Variants in ETV6 observed in about 807,000 individuals in gnomAD.
ETV6 encodes the protein transcription factor ETV6.
A neutral mutation model predicts 51.1 loss-of-function variants in ETV6; 16 were observed. That is an observed-to-expected ratio of 0.31 (90% CI 0.21 to 0.48). The LOEUF is 0.48. ETV6 is among the 20% of genes least tolerant of loss of function. The pLI is 0.99. For missense variants in ETV6, 458 were observed against 594.8 expected, an observed-to-expected ratio of 0.77 and a Z score of 2.39; for synonymous variants, 240 against 224.1, an observed-to-expected ratio of 1.07 and a Z score of -0.64.
At chr12:11,878,909 C>T (rs1420775556) in intron 5 of ETV6, among the ~76,000 whole-genome samples, 1 of 150,982 alleles carries the variant, frequency 6.6e-6, no homozygotes, top group Non-Finnish European at 1.5e-5. Flanking sequence ...TCAACACTCT[C>T]GATATTTGGG....
chr12:11,667,772 G>A (rs1053430437), intron 1 of ETV6, among the ~76,000 whole-genome samples: 1 of 138,984 alleles, frequency 7.2e-6, no homozygotes, highest in Admixed American at 8.6e-5. Context: ...GCATGGTCTC[G>A]GCTTACTGCA....
intron 2 of ETV6, among the ~76,000 whole-genome samples, chr12:11,772,752 T>G (rs553554917): frequency 7.2e-5 from 11 of 152,216 alleles, no homozygotes; most frequent in African/African-American, 2.4e-5. Flanking sequence ...ATTTAAACTT[T>G]CCTTGTGATT....
At chr12:11,652,545 A>G (rs867687463) in intron 1 of ETV6, among the ~76,000 whole-genome samples, 4 of 152,208 alleles carry the variant, frequency 2.6e-5, no homozygotes, top group Admixed American at 2.0e-4. Flanking sequence ...TGAACCTGAT[A>G]TACCGAACTC....
intron 4 of ETV6, 116 bp downstream of exon 4, chr12:11,853,677 A>G: frequency 8.5e-7 from 1 of 1,170,656 alleles, no homozygotes; most frequent in African/African-American, 1.5e-5. Flanking sequence ...TCAGTAGACA[A>G]TTATTGAGTG....
rs1863878549 is a variant in ETV6, at chr12:11,650,492, A to AC, written c.33+332_33+333insC. On this transcript the variant is annotated intron_variant, in intron 1 of 7. Transcript: ENST00000396373. Reference sequence around the variant, plus strand: ...GTAATTAGTGCGCTTAAAAAAAAAAAAAACAAAAAACAAAAAAAAAAAACC... The same window carrying AC: ...GTAATTAGTGCGCTTAAAAAAAAAAACAAACAAAAAACAAAAAAAAAAAACC... Among the ~76,000 whole-genome samples, 4 of 68,716 alleles carry AC rather than the reference A, an allele frequency of 5.8e-5. 1 individual carries two copies. The highest frequency in any genetic ancestry group is 1.3e-3 in the South Asian group (2 of 1,532). 45.1% of individuals were successfully genotyped at this position (68,716 alleles called of 152,430 possible).
intron 1 of ETV6, among the ~76,000 whole-genome samples, chr12:11,712,736 G>A (rs574008472): frequency 3.3e-5 from 5 of 152,326 alleles, no homozygotes; most frequent in African/African-American, 1.2e-4. Flanking sequence ...TTCACTCAGA[G>A]TCTACTGACT....
At chr12:11,662,428 A>T (rs1013529311) in intron 1 of ETV6, among the ~76,000 whole-genome samples, 1 of 152,146 alleles carries the variant, frequency 6.6e-6, no homozygotes, top group African/African-American at 2.4e-5. Context: ...TGTCTTGAAA[A>T]ACTTGGTAAA....
At chr12:11,702,210 G>A (rs1414297527) in intron 1 of ETV6, among the ~76,000 whole-genome samples, 1 of 152,166 alleles carries the variant, frequency 6.6e-6, no homozygotes, top group Non-Finnish European at 1.5e-5. Context: ...GCAAGGCAGT[G>A]AGAGAGAAGA....
intron 1 of ETV6, among the ~76,000 whole-genome samples, chr12:11,746,794 T>C (rs1488690238): frequency 0.055 from 443 of 8,010 alleles, 3 homozygotes; most frequent in Admixed American, 0.1. Flanking sequence ...CTCTCTCTTT[T>C]TTTTTTTTTT....
intron 5 of ETV6, among the ~76,000 whole-genome samples, chr12:11,872,342 ACCT>A (rs1946892766): frequency 6.6e-6 from 1 of 152,008 alleles, no homozygotes; most frequent in Non-Finnish European, 1.5e-5. Flanking sequence ...TCTCCTGTCT[ACCT>A]CCCAGGTGAC....
chr12:11,683,113 G>C (rs1864563534), intron 1 of ETV6, among the ~76,000 whole-genome samples: 1 of 152,174 alleles, frequency 6.6e-6, no homozygotes, highest in Admixed American at 6.5e-5. Flanking sequence ...GAATGCAGTG[G>C]ATTGATCTCT....
Position 11,864,196 on chromosome 12 carries a change from A to G in ETV6, c.464-5228A>G, listed in dbSNP as rs80229328. Reference sequence around the variant, plus strand: ...CATCAGTTCCTCCTTTACCCTTGGCATGAAAGTTCTTCCTCTCCTGGTCCT... The same window carrying G: ...CATCAGTTCCTCCTTTACCCTTGGCGTGAAAGTTCTTCCTCTCCTGGTCCT... On this transcript the variant is annotated intron_variant, in intron 4 of 7. Transcript: ENST00000396373. 9.7e-3 allele frequency among the ~76,000 whole-genome samples: 1,483 copies of G among 152,280 alleles called. 20 individuals are homozygous for G. Among genetic ancestry groups the G allele is most frequent in the African/African-American group, 0.033 (1,360 of 41,536 alleles).
intron 3 of ETV6, 73 bp from the exon 4 acceptor site, chr12:11,853,354 G>A: frequency 6.3e-7 from 1 of 1,585,546 alleles, no homozygotes; most frequent in South Asian, 1.1e-5. Context: ...CAGGCACTTA[G>A]CTGCTGCTCC....
chr12:11,748,873 A>T (rs1865956606), intron 1 of ETV6, among the ~76,000 whole-genome samples: 1 of 151,720 alleles, frequency 6.6e-6, no homozygotes, highest in Non-Finnish European at 1.5e-5. Flanking sequence ...AGACAACCCT[A>T]CTCCATACTT....
At chr12:11,759,063 C>T (rs1434555814) in intron 2 of ETV6, among the ~76,000 whole-genome samples, 4 of 152,070 alleles carry the variant, frequency 2.6e-5, no homozygotes, top group Non-Finnish European at 4.4e-5. Flanking sequence ...TTTGGGTTTG[C>T]TGTCTGAAAG....
At chr12:11,696,804 T>C in intron 1 of ETV6, among the ~76,000 whole-genome samples, 1 of 152,134 alleles carries the variant, frequency 6.6e-6, no homozygotes. Flanking sequence ...CAACAGAGTA[T>C]AAGACTCTGT....
At chr12:11,695,040 A>T (rs1393423837) in intron 1 of ETV6, among the ~76,000 whole-genome samples, 2 of 152,230 alleles carry the variant, frequency 1.3e-5, no homozygotes, top group Non-Finnish European at 1.5e-5. Context: ...CTGTCAAAGG[A>T]TACCGAAGAC....
At chr12:11,747,524 T>G (rs530160237) in intron 1 of ETV6, among the ~76,000 whole-genome samples, 6 of 152,234 alleles carry the variant, frequency 3.9e-5, no homozygotes, top group Non-Finnish European at 5.9e-5. Flanking sequence ...GGGTATGCTC[T>G]TTCTTTCTGG....
chr12:11,673,429 A>G (rs1864357565), intron 1 of ETV6, among the ~76,000 whole-genome samples: 1 of 152,228 alleles, frequency 6.6e-6, no homozygotes, highest in Admixed American at 6.5e-5. Context: ...AGCACTGTTA[A>G]GATACTAAAC....
Sources: gnomAD v4.1 joint callset for allele counts (sites outside exome capture counted in the v4.1 genomes callset) on GRCh38, gnomAD v4.1.1 for gene constraint, MANE v1.5 for transcripts, NCBI Gene and HGNC (gene_info 2026-07-23, HGNC 2026-07-21) for gene names.